CHST9: variants seen among roughly 807,000 people sequenced by gnomAD.
CHST9 encodes the protein GalNAc-4-sulfotransferase 2.
A neutral mutation model predicts 44.4 loss-of-function variants in CHST9; 41 were observed. That is an observed-to-expected ratio of 0.92 (90% CI 0.72 to 1.20). The LOEUF (loss-of-function observed/expected upper bound fraction) is 1.20, where lower values mean the gene tolerates loss of function less well. Among genes scored for constraint, CHST9 ranks in the 50% most tolerant of loss-of-function variants. The pLI, the probability that CHST9 is intolerant of heterozygous loss-of-function variation, is 0.00. For synonymous variants in CHST9, 171 were observed against 178.4 expected (o/e 0.96, Z 0.33); for missense variants, 504 against 516.5 (o/e 0.98, Z 0.23).
intron 2 of CHST9, among the ~76,000 whole-genome samples, chr18:27,126,086 G>C (rs2058421277): frequency 1.3e-5 from 2 of 152,206 alleles, no homozygotes; most frequent in South Asian, 4.1e-4. Context: ...GCAGAAGCAT[G>C]TTGCTCTGAC....
intron 5 of CHST9, among the ~76,000 whole-genome samples, chr18:26,943,160 C>T (rs2056109220): frequency 6.6e-6 from 1 of 151,994 alleles, no homozygotes; most frequent in Non-Finnish European, 1.5e-5. Flanking sequence ...TTGAAATGGC[C>T]AAATGATTTT....
chr18:27,017,390 T>C (rs1427171967), intron 4 of CHST9, among the ~76,000 whole-genome samples: 4 of 152,170 alleles, frequency 2.6e-5, no homozygotes, highest in African/African-American at 7.2e-5. Flanking sequence ...GATAAGTAAT[T>C]TGTAATGTAG....
chr18:27,020,158 GGA>G (rs919213996), intron 4 of CHST9, among the ~76,000 whole-genome samples: 20 of 152,290 alleles, frequency 1.3e-4, no homozygotes, highest in African/African-American at 4.1e-4. Context: ...TTGTAGAATG[GGA>G]GAGAGTACCC....
chr18:27,048,082 A>G (rs1309869996), intron 3 of CHST9, among the ~76,000 whole-genome samples: 2 of 152,130 alleles, frequency 1.3e-5, no homozygotes, highest in Admixed American at 6.5e-5. Context: ...AAAAGCATCC[A>G]CTACATATAC....
intron 2 of CHST9, among the ~76,000 whole-genome samples, chr18:27,106,028 G>A (rs1218787931): frequency 6.6e-6 from 1 of 152,016 alleles, no homozygotes; most frequent in Non-Finnish European, 1.5e-5. Context: ...TTTTACTCAC[G>A]AAACTAAAAA....
intron 4 of CHST9, among the ~76,000 whole-genome samples, chr18:26,999,878 G>A (rs1176980616): frequency 6.6e-6 from 1 of 152,214 alleles, no homozygotes; most frequent in Non-Finnish European, 1.5e-5. Flanking sequence ...AATCAGTTTA[G>A]TTGGGTACTT....
intron 2 of CHST9, among the ~76,000 whole-genome samples, chr18:27,103,547 T>G (rs1398605476): frequency 6.6e-6 from 1 of 152,208 alleles, no homozygotes; most frequent in Non-Finnish European, 1.5e-5. Context: ...ATAACCAGCA[T>G]GGTGCTAAGA....
At chr18:27,168,697 A>T (rs1343250599) in intron 1 of CHST9, among the ~76,000 whole-genome samples, 1 of 152,232 alleles carries the variant, frequency 6.6e-6, no homozygotes, top group East Asian at 1.9e-4. Context: ...TGTGGTAGAT[A>T]GAATTATGAG....
In CHST9 at chr18:27,095,426, A is replaced by G. The variant is rs570588077; in HGVS notation, c.122-46923T>C. Among the ~76,000 whole-genome samples the G allele has an allele frequency of 5.9e-5, 9 of 152,272 alleles. No individual in the cohort carries two copies. The South Asian group carries it at 1.9e-3, about 32-fold the overall frequency. The stretch of plus-strand genomic sequence containing the variant: ...GCTAACAATTTCATGTTAGGATCAA[A>G]ACCTCATATGTCAATATTAACTTTG... On this transcript the variant is annotated intron_variant, in intron 2 of 5. Coordinates refer to ENST00000618847, the MANE Select transcript of CHST9 (RefSeq NM_031422.6).
intron 2 of CHST9, among the ~76,000 whole-genome samples, chr18:27,087,686 A>G (rs1160880200): frequency 6.6e-6 from 1 of 152,182 alleles, no homozygotes; most frequent in East Asian, 1.9e-4. Flanking sequence ...CCCACAATGA[A>G]TTGGGGGATT....
intron 3 of CHST9, among the ~76,000 whole-genome samples, chr18:27,047,420 G>GTGTGTGTGTGT (rs2057515706): frequency 6.7e-6 from 1 of 150,334 alleles, no homozygotes; most frequent in African/African-American, 2.5e-5. Flanking sequence ...GTGTGTGTGT[G>GTGTGTGTGTGT]TTCATGATCA....
chr18:27,175,167 A>G (rs888663913), intron 1 of CHST9, among the ~76,000 whole-genome samples: 44 of 152,034 alleles, frequency 2.9e-4, no homozygotes, highest in Middle Eastern at 3.2e-3. Context: ...CTTTTATATT[A>G]CTTTTTCAAT....
chr18:26,958,830 G>A lies in CHST9; in HGVS notation c.203-14464C>T, dbSNP rs192506917. ...AAAAGTCGAAACAGCACATGCTGGC[G>A]AGGCCATGGAGGAAAGGGAATGCTT... On this transcript the variant is annotated intron_variant, in intron 4 of 5. Coordinates refer to ENST00000618847, the MANE Select transcript of CHST9 (RefSeq NM_031422.6). Among the ~76,000 whole-genome samples, 10 of 152,192 alleles carry A rather than the reference G, an allele frequency of 6.6e-5. No individual in the cohort carries two copies. The South Asian group carries it at 1.0e-3, about 16-fold the overall frequency.
At chr18:27,184,337 T>C (rs1384585826) in intron 1 of CHST9, among the ~76,000 whole-genome samples, 4 of 152,150 alleles carry the variant, frequency 2.6e-5, no homozygotes, top group Admixed American at 2.0e-4. Flanking sequence ...TGAACTTAGT[T>C]GGAAATAACT....
chr18:26,965,269 C>T (rs1447963208), intron 4 of CHST9, among the ~76,000 whole-genome samples: 3 of 152,154 alleles, frequency 2.0e-5, no homozygotes, highest in Non-Finnish European at 4.4e-5. Context: ...AAATACTCAA[C>T]TGAGGTAGCA....
chr18:26,971,636 AGAGGGAGGAAT>A (rs1289804408), intron 4 of CHST9, among the ~76,000 whole-genome samples: 7 of 152,264 alleles, frequency 4.6e-5, no homozygotes, highest in African/African-American at 1.7e-4. Flanking sequence ...ATGCTGTGTC[AGAGGGAGGAAT>A]GGACGTGGCA....
At chr18:27,002,853 G>C (rs961299385) in intron 4 of CHST9, among the ~76,000 whole-genome samples, 5 of 152,176 alleles carry the variant, frequency 3.3e-5, no homozygotes, top group Non-Finnish European at 7.4e-5. Flanking sequence ...CACATAAATT[G>C]TGAAGTTAGG....
intron 2 of CHST9, among the ~76,000 whole-genome samples, chr18:27,135,222 C>T (rs899338135): frequency 5.9e-5 from 9 of 152,066 alleles, no homozygotes; most frequent in Non-Finnish European, 1.0e-4. Context: ...CAAAAAAGTG[C>T]TTTAAAAGGA....
At chr18:26,952,462 C>T in intron 4 of CHST9, 1 of 439,832 alleles carries the variant, frequency 2.3e-6, no homozygotes, top group East Asian at 5.7e-5. Context: ...CTGCAATGAA[C>T]AGTCATTTGG....
Sources: gnomAD v4.1 joint callset for allele counts (sites outside exome capture counted in the v4.1 genomes callset) on GRCh38, gnomAD v4.1.1 for gene constraint, MANE v1.5 for transcripts, NCBI Gene and HGNC (gene_info 2026-07-23, HGNC 2026-07-21) for gene names.